Variants in SLC9C1 observed in about 807,000 individuals in gnomAD.
The protein encoded by SLC9C1 is solute carrier family 9 member C1.
Under a neutral mutation model 140.9 loss-of-function variants are expected in SLC9C1, and 97 were observed. The observed-to-expected ratio is 0.69, with a 90% confidence interval of 0.58 to 0.82. SLC9C1 has a LOEUF of 0.82. Among genes scored for constraint, SLC9C1 ranks in the 40% least tolerant of loss-of-function variants. The probability of loss-of-function intolerance (pLI) is 0.00; values close to 1 mark genes in which losing one functional copy is unlikely to be tolerated. For synonymous variants in SLC9C1, 440 were observed against 442.6 expected (o/e 0.99, Z 0.07); for missense variants, 1,340 against 1,389.3 (o/e 0.96, Z 0.56).
At chr3:112,165,905 C>A (rs2077120483) in intron 26 of SLC9C1, among the ~76,000 whole-genome samples, 1 of 152,240 alleles carries the variant, frequency 6.6e-6, no homozygotes, top group Admixed American at 6.5e-5. Flanking sequence ...CCTTGAGCTG[C>A]AGTGGGCTCC....
At chr3:112,236,408 T>C (rs2078987810) in intron 12 of SLC9C1, among the ~76,000 whole-genome samples, 1 of 152,212 alleles carries the variant, frequency 6.6e-6, no homozygotes, top group African/African-American at 2.4e-5. Context: ...GGTTGATCTT[T>C]TCAAAAAACC....
chr3:112,162,283 C>G (rs2075325462), intron 26 of SLC9C1, among the ~76,000 whole-genome samples: 1 of 152,006 alleles, frequency 6.6e-6, no homozygotes, highest in African/African-American at 2.4e-5. Flanking sequence ...GCCTAATTGC[C>G]CTGGCCAGAA....
chr3:112,226,840 A>C (rs1168845302), intron 13 of SLC9C1, among the ~76,000 whole-genome samples: 1 of 152,204 alleles, frequency 6.6e-6, no homozygotes, highest in Non-Finnish European at 1.5e-5. Context: ...AATAAAAATC[A>C]GAACTAAAAT....
rs2079859586 is a variant in SLC9C1 at position 112,264,340 on chromosome 3, G to A, written c.882C>T (p.Phe294=). 1.4e-6 allele frequency: 2 copies of A among 1,444,078 alleles called. No homozygotes were observed. Among genetic ancestry groups the A allele is most frequent in the Non-Finnish European group, 1.8e-6 (2 of 1,097,554 alleles). The allele number at this position is 1,444,078 out of a possible 1,614,324, so 89.5% of individuals were successfully genotyped here. A position where few individuals can be genotyped will look rare whatever the true frequency, so the allele number is the denominator to read the frequency against. The stretch of plus-strand genomic sequence containing the variant: ...AAGCAATACGTGATAGAAAAGTCCA[G>A]AATCTGCATCATTCAGAAAAAATTA... The part of the protein sequence containing the change: ...AAIEETLLLE[F]WTFLSRIAFL... Residue 294 remains phenylalanine (F), a synonymous_variant, in exon 9 of 29, where the codon TTC becomes TTT. Transcript: ENST00000305815.
At position 112,182,148 on chromosome 3, in the gene SLC9C1, A is replaced by G. The variant is rs2077450507; in HGVS notation, c.2634T>C (p.Tyr878=). ...AAAGTGTTACCTGAATGAAGTTTAT[A>G]TAATCTTTGTTTTTATCTAGCCACG... ...HIPWLDKNKD[Y]INFIQEKAKV... is the part of the protein sequence containing the mutation. Residue 878 remains tyrosine (Y), a synonymous_variant, in exon 21 of 29, where the codon TAT becomes TAC. Transcript: ENST00000305815. 1.9e-6 allele frequency: 3 copies of G among 1,562,720 alleles called. No homozygotes were observed. Among genetic ancestry groups the G allele is most frequent in the Middle Eastern group, 1.8e-4 (1 of 5,614 alleles).
At chr3:112,207,630 A>G (rs1262186824) in intron 16 of SLC9C1, among the ~76,000 whole-genome samples, 1 of 151,952 alleles carries the variant, frequency 6.6e-6, no homozygotes, top group African/African-American at 2.4e-5. Context: ...TGTTGTTTCT[A>G]TGTTTTCCCT....
chr3:112,255,480 A>G (rs898123187), intron 10 of SLC9C1, among the ~76,000 whole-genome samples: 2 of 152,210 alleles, frequency 1.3e-5, no homozygotes, highest in African/African-American at 4.8e-5. Flanking sequence ...CTTCTTAATG[A>G]GTTTTGGGTA....
chr3:112,264,487 A>G (rs1468034646), intron 8 of SLC9C1, 144 bp from the exon 9 acceptor site: 1 of 362,076 alleles, frequency 2.8e-6, no homozygotes, highest in Non-Finnish European at 4.7e-6. Context: ...TTGTAGCTGA[A>G]AATGATGAAA....
chr3:112,278,460 T>C (rs906932553), intron 4 of SLC9C1, among the ~76,000 whole-genome samples: 3 of 152,182 alleles, frequency 2.0e-5, no homozygotes, highest in African/African-American at 7.2e-5. Context: ...TCTTGTAGCA[T>C]TTCCGAGTTA....
chr3:112,197,859 G>A (rs1423478574), intron 20 of SLC9C1, among the ~76,000 whole-genome samples: 1 of 152,112 alleles, frequency 6.6e-6, no homozygotes, highest in Non-Finnish European at 1.5e-5. Context: ...TTTTATGGAT[G>A]ATTCATGCCT....
chr3:112,243,889 A>G (rs1358696095), intron 11 of SLC9C1, 106 bp downstream of exon 11: 18 of 721,440 alleles, frequency 2.5e-5, no homozygotes, highest in Non-Finnish European at 3.9e-5. Flanking sequence ...CGGGGGTCTC[A>G]CTATGTTGCC....
chr3:112,164,992 A>T (rs999060650), intron 26 of SLC9C1, among the ~76,000 whole-genome samples: 2 of 151,876 alleles, frequency 1.3e-5, no homozygotes, highest in African/African-American at 4.8e-5. Flanking sequence ...TTTTTCTCTA[A>T]ACTTCTCTTC....
chr3:112,251,154 T>C (rs2079445633), intron 10 of SLC9C1, among the ~76,000 whole-genome samples: 1 of 151,928 alleles, frequency 6.6e-6, no homozygotes, highest in African/African-American at 2.4e-5. Context: ...GGTGAGTAAA[T>C]ACAGTGTTTT....
intron 13 of SLC9C1, among the ~76,000 whole-genome samples, chr3:112,228,383 T>G (rs1000107097): frequency 2.0e-5 from 3 of 151,968 alleles, no homozygotes; most frequent in South Asian, 2.1e-4. Context: ...CTCCTTTATA[T>G]GAAAATAAAC....
intron 18 of SLC9C1, among the ~76,000 whole-genome samples, chr3:112,201,463 A>G (rs1005185374): frequency 2.6e-5 from 4 of 152,054 alleles, no homozygotes; most frequent in African/African-American, 9.7e-5. Flanking sequence ...GTGTTCTACC[A>G]CATATTGAAT....
At chr3:112,179,279 T>C (rs2077395049) in intron 23 of SLC9C1, among the ~76,000 whole-genome samples, 1 of 152,182 alleles carries the variant, frequency 6.6e-6, no homozygotes. Flanking sequence ...AATTTCCCCA[T>C]GAAAGAGCTT....
At chr3:112,169,150 C>A in intron 24 of SLC9C1, 47 bp downstream of exon 24, 1 of 1,595,148 alleles carries the variant, frequency 6.3e-7, no homozygotes, top group South Asian at 1.1e-5. Context: ...GTTTTAATGC[C>A]ATTCCATTCA....
rs1001850125 is a variant in SLC9C1, at chr3:112,240,722, A to G, written c.1280-716T>C. Among the ~76,000 whole-genome samples, 6 of 152,350 alleles carry G rather than the reference A, an allele frequency of 3.9e-5. No individual in the cohort carries two copies. The East Asian group carries it at 1.2e-3, about 29-fold the overall frequency. On this transcript the variant is annotated intron_variant, in intron 11 of 28. Coordinates refer to ENST00000305815, the MANE Select transcript of SLC9C1 (RefSeq NM_183061.3). ...ATAACCTCATGAGCCAGTTAAGCAC[A>G]TATGATAAATTATCTGCATTATCTT... is the stretch of plus-strand genomic sequence containing the variant.
chr3:112,251,186 C>T (rs2079446719), intron 10 of SLC9C1, among the ~76,000 whole-genome samples: 2 of 152,058 alleles, frequency 1.3e-5, no homozygotes, highest in African/African-American at 4.8e-5. Flanking sequence ...TCCAGGTACA[C>T]ACACTGGGAT....
Sources: allele counts gnomAD v4.1 joint callset (sites outside exome capture counted in the v4.1 genomes callset), GRCh38; gene constraint gnomAD v4.1.1; transcripts MANE v1.5; gene names NCBI Gene and HGNC (gene_info 2026-07-23, HGNC 2026-07-21).